CAMSAP1: variants seen among roughly 807,000 people sequenced by gnomAD.
CAMSAP1 encodes calmodulin regulated spectrin associated protein 1.
Under a neutral mutation model 143.5 loss-of-function variants are expected in CAMSAP1, and 58 were observed. The ratio of observed to expected loss-of-function variants is 0.40; its 90% CI spans 0.33 to 0.50. The LOEUF (loss-of-function observed/expected upper bound fraction) is 0.50, where lower values mean the gene tolerates loss of function less well. CAMSAP1 is among the 20% of genes least tolerant of loss of function. CAMSAP1 has a pLI of 0.45. For missense variants in CAMSAP1, 1,969 were observed against 2,115.7 expected, an observed-to-expected ratio of 0.93 and a Z score of 1.36; for synonymous variants, 945 against 859.3, an observed-to-expected ratio of 1.10 and a Z score of -1.74.
intron 5 of CAMSAP1, among the ~76,000 whole-genome samples, chr9:135,853,206 C>G (rs1836839845): frequency 6.6e-6 from 1 of 152,094 alleles, no homozygotes; most frequent in African/African-American, 2.4e-5. Context: ...GACAAACACA[C>G]CAAGGGCCAC....
intron 1 of CAMSAP1, among the ~76,000 whole-genome samples, chr9:135,905,915 G>A (rs1199838152): frequency 6.6e-6 from 1 of 152,198 alleles, no homozygotes; most frequent in Non-Finnish European, 1.5e-5. Context: ...GGATGTAGCA[G>A]TGTTTCTTCC....
intron 15 of CAMSAP1, 43 bp downstream of exon 15, chr9:135,815,847 G>T (rs1245807414): frequency 1.3e-6 from 2 of 1,505,986 alleles, no homozygotes; most frequent in East Asian, 4.5e-5. Flanking sequence ...AAAGGCGTAT[G>T]GCCATGCCCA....
chr9:135,859,577 A>G (rs1837101801), intron 5 of CAMSAP1, among the ~76,000 whole-genome samples: 3 of 152,080 alleles, frequency 2.0e-5, no homozygotes, highest in Admixed American at 1.3e-4. Flanking sequence ...TGTTTTTAGT[A>G]GAGACGGGGT....
At chr9:135,876,226 T>A (rs1237921798) in intron 3 of CAMSAP1, among the ~76,000 whole-genome samples, 1 of 152,208 alleles carries the variant, frequency 6.6e-6, no homozygotes, top group African/African-American at 2.4e-5. Context: ...GTGCTGTGAT[T>A]ACAGGTGTGA....
intron 7 of CAMSAP1, among the ~76,000 whole-genome samples, chr9:135,837,994 ACC>A (rs1056622391): frequency 4.5e-5 from 6 of 132,070 alleles, no homozygotes; most frequent in Non-Finnish European, 9.6e-5. Context: ...CACGCTTTCT[ACC>A]CCTTCTACAG....
chr9:135,815,560 T>G (rs1040135682), intron 15 of CAMSAP1, among the ~76,000 whole-genome samples: 4 of 152,230 alleles, frequency 2.6e-5, no homozygotes, highest in African/African-American at 9.6e-5. Context: ...TCCAGTTCAC[T>G]GTGCCCTGAG....
rs1481249262 is a variant in CAMSAP1, at chr9:135,822,464, G to A, written c.2197C>T (p.Leu733Phe). ...PNSHDSEPWTLLRQDSDSDVV... is the reference protein window; with the variant it reads ...PNSHDSEPWTFLRQDSDSDVV... The stretch of plus-strand genomic sequence containing the variant: ...TCCGAGTCAGAATCCTGCCTGAGGA[G>A]AGTCCACGGCTCTGAATCGTGGGAG... The change falls in exon 11 of 17, where the codon CTC becomes TTC. Residue 733 changes from leucine to phenylalanine, a missense_variant. Coordinates refer to ENST00000389532, the MANE Select transcript of CAMSAP1 (RefSeq NM_015447.4). This position sits in a 1 kb window ranked among gnomAD's most constrained non-coding sequence, Gnocchi z 6.1. 18 of 1,613,514 alleles carry A rather than the reference G, an allele frequency of 1.1e-5. No individual in the cohort carries two copies. The highest frequency in any genetic ancestry group is 1.5e-5 in the Non-Finnish European group (18 of 1,179,906).
At chr9:135,823,296 G>C in intron 10 of CAMSAP1, 36 bp from the exon 11 acceptor site, 1 of 1,518,758 alleles carries the variant, frequency 6.6e-7, no homozygotes. Flanking sequence ...GTGCGCTGCG[G>C]TATACACCAA....
chr9:135,823,167 G>C lies in CAMSAP1; in HGVS notation c.1494C>G (p.Ser498=). 1 of 1,610,278 alleles carries C rather than the reference G, an allele frequency of 6.2e-7. No individual in the cohort carries two copies. Among genetic ancestry groups the C allele is most frequent in the Non-Finnish European group, 8.5e-7 (1 of 1,177,388 alleles). ...SSGDSISLAR[S]ISKDSLASNI... is the part of the protein sequence containing the mutation. ...TGGATGCCAAACTGTCTTTGCTGAT[G>C]GAGCGGGCCAAGCTGATGCTGTCGC... The change falls in exon 11 of 17, where the codon TCC becomes TCG. Residue 498 remains serine (S), a synonymous_variant. Transcript: ENST00000389532.
chr9:135,836,758 C>T (rs1836065768), intron 7 of CAMSAP1: 13 of 979,414 alleles, frequency 1.3e-5, no homozygotes, highest in Non-Finnish European at 1.4e-5. Flanking sequence ...CACATTGTCA[C>T]GTACCTTCTA....
chr9:135,883,487 T>C (rs1838024537), intron 1 of CAMSAP1, among the ~76,000 whole-genome samples: 1 of 152,138 alleles, frequency 6.6e-6, no homozygotes. Flanking sequence ...ATGTAGTGCC[T>C]GGGGACACCA....
At chr9:135,874,645 T>C (rs370671480) in intron 3 of CAMSAP1, among the ~76,000 whole-genome samples, 4 of 151,930 alleles carry the variant, frequency 2.6e-5, no homozygotes, top group Non-Finnish European at 5.9e-5. Context: ...CAATATTCTA[T>C]CTGAGGTACT....
chr9:135,891,132 G>T (rs1275524702), intron 1 of CAMSAP1, among the ~76,000 whole-genome samples: 1 of 152,136 alleles, frequency 6.6e-6, no homozygotes, highest in Non-Finnish European at 1.5e-5. Context: ...TCTTTCTCTG[G>T]CTAGAGGACG....
At chr9:135,838,084 C>A (rs1342161231) in intron 7 of CAMSAP1, among the ~76,000 whole-genome samples, 1 of 145,368 alleles carries the variant, frequency 6.9e-6, no homozygotes, top group African/African-American at 2.6e-5. Flanking sequence ...TACAGACACA[C>A]GTCATCACGC....
chr9:135,832,970 A>G (rs1835901618), intron 7 of CAMSAP1, among the ~76,000 whole-genome samples: 1 of 152,216 alleles, frequency 6.6e-6, no homozygotes, highest in Non-Finnish European at 1.5e-5. Flanking sequence ...ATGACCTACA[A>G]ATTCACTGCA....
At chr9:135,903,101 C>T (rs1838666829) in intron 1 of CAMSAP1, among the ~76,000 whole-genome samples, 3 of 152,178 alleles carry the variant, frequency 2.0e-5, no homozygotes, top group Non-Finnish European at 2.9e-5. Flanking sequence ...TCTGAGTTTC[C>T]TAAGGGCATG....
intron 3 of CAMSAP1, among the ~76,000 whole-genome samples, chr9:135,869,320 T>C (rs1323205781): frequency 6.6e-6 from 1 of 151,272 alleles, no homozygotes; most frequent in African/African-American, 2.4e-5. Context: ...CTGGGCAACA[T>C]GACGAAACCC....
intron 7 of CAMSAP1, among the ~76,000 whole-genome samples, chr9:135,847,716 G>C (rs1292844514): frequency 6.8e-6 from 1 of 147,150 alleles, no homozygotes; most frequent in Non-Finnish European, 1.5e-5. Flanking sequence ...GGAGGGCTAG[G>C]AGAGGGAGAG....
intron 1 of CAMSAP1, among the ~76,000 whole-genome samples, chr9:135,883,891 C>T (rs1417989747): frequency 6.6e-6 from 1 of 152,200 alleles, no homozygotes. Flanking sequence ...TGTATACTTC[C>T]GGCTGCAACA....
Sources: gnomAD v4.1 joint callset for allele counts (sites outside exome capture counted in the v4.1 genomes callset) on GRCh38, gnomAD v4.1.1 for gene constraint, Gnocchi (gnomAD v3.1) non-coding constraint, MANE v1.5 for transcripts, NCBI Gene and HGNC (gene_info 2026-07-23, HGNC 2026-07-21) for gene names.